PLPPR4: variants seen among roughly 807,000 people sequenced by gnomAD.
PLPPR4 encodes phospholipid phosphatase-related protein type 4.
A neutral mutation model predicts 56.6 loss-of-function variants in PLPPR4; 24 were observed. The observed-to-expected ratio is 0.42, with a 90% CI of 0.31 to 0.60. The LOEUF is 0.60. Ranked by LOEUF, PLPPR4 falls within the 20% of genes least tolerant of loss-of-function variation. PLPPR4 has a pLI of 0.13. For synonymous variants in PLPPR4, 326 were observed against 328.1 expected, an observed-to-expected ratio of 0.99 and a Z score of 0.07; for missense variants, 654 against 885.8, an observed-to-expected ratio of 0.74 and a Z score of 3.32.
chr1:99,296,283 C>G (rs1007264808), intron 2 of PLPPR4, among the ~76,000 whole-genome samples: 1 of 152,158 alleles, frequency 6.6e-6, no homozygotes, highest in Non-Finnish European at 1.5e-5. Flanking sequence ...AATTCAGCTA[C>G]TCATTTGCAG....
upstream of PLPPR4, among the ~76,000 whole-genome samples, chr1:99,263,420 T>C (rs1390567300): frequency 2.0e-5 from 3 of 152,132 alleles, no homozygotes; most frequent in Non-Finnish European, 2.9e-5. Flanking sequence ...GATGGTCCCA[T>C]ACTGCCAAAG....
intron 1 of PLPPR4, among the ~76,000 whole-genome samples, chr1:99,267,632 T>C (rs1342112032): frequency 1.3e-5 from 2 of 152,224 alleles, no homozygotes; most frequent in Non-Finnish European, 2.9e-5. Flanking sequence ...GTTCCTTTCC[T>C]TTCTTATAAC....
upstream of PLPPR4, chr1:99,264,126 G>C (rs985120051): frequency 1.1e-5 from 4 of 372,056 alleles, no homozygotes; most frequent in Admixed American, 4.6e-5. Flanking sequence ...CATTCCTAGA[G>C]TGACCTAGGA....
chr1:99,285,321 G>T (rs546338127), intron 1 of PLPPR4, among the ~76,000 whole-genome samples: 1 of 152,090 alleles, frequency 6.6e-6, no homozygotes, highest in African/African-American at 2.4e-5. Flanking sequence ...ATATTGGCAC[G>T]TAGTAAGCAC....
intron 1 of PLPPR4, among the ~76,000 whole-genome samples, chr1:99,276,713 A>G (rs1450944093): frequency 3.9e-5 from 6 of 152,202 alleles, no homozygotes; most frequent in Admixed American, 1.3e-4. Context: ...GCAATGATAA[A>G]AACCATTAGT....
In PLPPR4 at chr1:99,265,954, T is replaced by C. The variant is rs535746996; in HGVS notation, c.78+1283T>C. Among the ~76,000 whole-genome samples, 172 of 152,290 alleles carry C rather than the reference T, an allele frequency of 1.1e-3. 2 individuals are homozygous for C. The highest frequency in any genetic ancestry group is 1.1e-3 in the Non-Finnish European group (77 of 68,020). On this transcript the variant is annotated intron_variant, in intron 1 of 6. Coordinates refer to ENST00000370185, the MANE Select transcript of PLPPR4 (RefSeq NM_014839.5). ...AGAGAAATGATGGGTGACCCCTGCA[T>C]TCATGAACCATAGAAAAGAAGAAAA...
intron 3 of PLPPR4, among the ~76,000 whole-genome samples, chr1:99,297,966 A>C (rs977925306): frequency 3.3e-5 from 5 of 152,140 alleles, no homozygotes; most frequent in Admixed American, 3.3e-4. Context: ...AAAGTCCATT[A>C]TCCAAAGGAA....
intron 1 of PLPPR4, among the ~76,000 whole-genome samples, chr1:99,268,567 T>C (rs1468958141): frequency 6.6e-6 from 1 of 152,228 alleles, no homozygotes; most frequent in Non-Finnish European, 1.5e-5. Context: ...TTTCTTACAT[T>C]TTTGGTTTAT....
At chr1:99,293,470 T>C (rs1215645964) in intron 2 of PLPPR4, among the ~76,000 whole-genome samples, 1 of 152,184 alleles carries the variant, frequency 6.6e-6, no homozygotes, top group African/African-American at 2.4e-5. Context: ...TGGAGATTAT[T>C]TCTCAGAGAA....
At chr1:99,304,746 G>A (rs2100812148) in intron 6 of PLPPR4, among the ~76,000 whole-genome samples, 1 of 152,062 alleles carries the variant, frequency 6.6e-6, no homozygotes, top group African/African-American at 2.4e-5. Context: ...ATATTTTTTT[G>A]TTTTGAACTT....
intron 2 of PLPPR4, among the ~76,000 whole-genome samples, chr1:99,288,727 A>C (rs1197416583): frequency 6.6e-6 from 1 of 152,156 alleles, no homozygotes; most frequent in Non-Finnish European, 1.5e-5. Flanking sequence ...TTCATTTTAA[A>C]ATATGTTCAT....
chr1:99,306,053 G>A lies in PLPPR4; in HGVS notation c.1191G>A (p.Lys397=), dbSNP rs373956149. The change falls in exon 7 of 7, where the codon AAG becomes AAA. Residue 397 remains lysine, a synonymous_variant. Coordinates refer to ENST00000370185, the MANE Select transcript of PLPPR4 (RefSeq NM_014839.5). This position sits in a 1 kb window ranked among gnomAD's most constrained non-coding sequence, Gnocchi z 4.0. The part of the protein sequence containing the change: ...IHASMDSARS[K]QLLTQWKNKN... ...CCTCTATGGATTCCGCTCGATCAAA[G>A]CAGCTCCTCACCCAGTGGAAGAATA... The A allele has an allele frequency of 2.5e-6, 4 of 1,614,054 alleles. No individual in the cohort carries two copies. The African/African-American group carries it at 5.3e-5, about 22-fold the overall frequency.
At chr1:99,268,002 A>G (rs1173439127) in intron 1 of PLPPR4, among the ~76,000 whole-genome samples, 1 of 152,250 alleles carries the variant, frequency 6.6e-6, no homozygotes, top group East Asian at 1.9e-4. Context: ...TGAAACTCAT[A>G]AAAGTTAAAC....
At chr1:99,304,058 A>G (rs938000143) in intron 6 of PLPPR4, among the ~76,000 whole-genome samples, 58 of 152,196 alleles carry the variant, frequency 3.8e-4, no homozygotes, top group Non-Finnish European at 7.3e-5. Context: ...CTGTTTCTTC[A>G]CCTACAAAAT....
chr1:99,301,317 ACG>A (rs1491375878), intron 5 of PLPPR4, among the ~76,000 whole-genome samples: 7 of 151,224 alleles, frequency 4.6e-5, no homozygotes, highest in Non-Finnish European at 7.4e-5. Context: ...ACACACACAC[ACG>A]TACGCTACTT....
At chr1:99,281,690 T>C (rs1004184395) in intron 1 of PLPPR4, among the ~76,000 whole-genome samples, 6 of 152,178 alleles carry the variant, frequency 3.9e-5, no homozygotes, top group Admixed American at 1.3e-4. Context: ...ATCTTCTTCA[T>C]GGCTACAGGC....
upstream of PLPPR4, among the ~76,000 whole-genome samples, chr1:99,263,049 G>C (rs77078728): frequency 3.2e-3 from 491 of 152,318 alleles, 2 homozygotes; most frequent in African/African-American, 0.011. Context: ...TGAAATAAGA[G>C]TTAATGTCAT....
Position 99,299,151 on chromosome 1 carries a change from A to G in PLPPR4, c.511A>G (p.Asn171Asp). 1 of 1,613,338 alleles carries G rather than the reference A, an allele frequency of 6.2e-7. No homozygotes were observed. The change falls in exon 4 of 7, where the codon AAT (asparagine) becomes GAT (aspartate). Residue 171 changes from asparagine (N) to aspartate (D), a missense_variant. This residue lies in a region of PLPPR4 where 186 missense variants were observed against 331.4 expected (regional missense o/e 0.56). Transcript: ENST00000370185. ...TVCKPNYTSL[N>D]VSCKENSYIV... ...GTGCAAACCAAACTATACCTCTCTG[A>G]ATGTATCTTGCAAAGAAAATTCCTA...
intron 1 of PLPPR4, among the ~76,000 whole-genome samples, chr1:99,273,282 G>T (rs1659103758): frequency 6.6e-6 from 1 of 152,038 alleles, no homozygotes; most frequent in Non-Finnish European, 1.5e-5. Context: ...TTCTGCCTGT[G>T]TAAAACTGGT....
Sources: allele counts gnomAD v4.1 joint callset (sites outside exome capture counted in the v4.1 genomes callset), GRCh38; gene constraint gnomAD v4.1.1; regional missense constraint gnomAD v4.1.1; non-coding constraint Gnocchi (gnomAD v3.1); transcripts MANE v1.5; gene names NCBI Gene and HGNC (gene_info 2026-07-23, HGNC 2026-07-21).